The following CCSER1 variants were observed in gnomAD, a reference collection of about 807,000 sequenced individuals.
CCSER1 encodes serine-rich coiled-coil domain-containing protein 1.
In CCSER1, 41 loss-of-function variants were observed where a neutral mutation model predicts 82.0. The ratio of observed to expected loss-of-function variants is 0.50; its 90% CI spans 0.39 to 0.65. The LOEUF (loss-of-function observed/expected upper bound fraction) is 0.65, where lower values mean the gene tolerates loss of function less well. Ranked by LOEUF, CCSER1 falls within the 30% of genes least tolerant of loss-of-function variation. The pLI, the probability that CCSER1 is intolerant of heterozygous loss-of-function variation, is 0.00. For synonymous variants in CCSER1, 414 were observed against 383.9 expected (o/e 1.08, Z -0.92); for missense variants, 1,119 against 1,064.2 (o/e 1.05, Z -0.72).
intron 3 of CCSER1, among the ~76,000 whole-genome samples, chr4:90,327,795 T>C (rs1345890756): frequency 1.3e-5 from 2 of 152,178 alleles, no homozygotes; most frequent in East Asian, 3.9e-4. Flanking sequence ...TTTCCAGACA[T>C]TGCCATGTGT....
chr4:91,546,151 A>T (rs1216525980), intron 10 of CCSER1, among the ~76,000 whole-genome samples: 3 of 152,072 alleles, frequency 2.0e-5, no homozygotes, highest in African/African-American at 4.8e-5. Flanking sequence ...TATGGTGTAT[A>T]TTTTTATATA....
At chr4:91,340,196 TATAAC>T (rs1192081716) in intron 10 of CCSER1, among the ~76,000 whole-genome samples, 2 of 152,308 alleles carry the variant, frequency 1.3e-5, no homozygotes, top group African/African-American at 2.4e-5. Flanking sequence ...ATAGGATAAT[TATAAC>T]ATATATTGTA....
At chr4:91,329,747 C>G (rs143811214) in intron 10 of CCSER1, among the ~76,000 whole-genome samples, 1 of 152,124 alleles carries the variant, frequency 6.6e-6, no homozygotes, top group African/African-American at 2.4e-5. Context: ...ATCTAATTAC[C>G]TGCCATGAAC....
intron 10 of CCSER1, among the ~76,000 whole-genome samples, chr4:91,236,397 C>T (rs1414849636): frequency 1.3e-5 from 2 of 151,954 alleles, no homozygotes; most frequent in African/African-American, 4.8e-5. Flanking sequence ...GCAAAAGAAT[C>T]GCTTGAACCC....
intron 10 of CCSER1, among the ~76,000 whole-genome samples, chr4:91,377,034 A>G (rs191959984): frequency 0.019 from 2,942 of 152,120 alleles, 75 homozygotes; most frequent in African/African-American, 0.066. Flanking sequence ...TTTGCTGAGA[A>G]TGACGGTTTC....
chr4:91,557,283 T>C (rs955038951), intron 10 of CCSER1, among the ~76,000 whole-genome samples: 3 of 151,508 alleles, frequency 2.0e-5, no homozygotes, highest in Non-Finnish European at 4.4e-5. Flanking sequence ...TGTTATTTTA[T>C]ATAATAGCTC....
chr4:91,381,006 A>T (rs966359055), intron 10 of CCSER1, among the ~76,000 whole-genome samples: 5 of 152,066 alleles, frequency 3.3e-5, no homozygotes, highest in Non-Finnish European at 7.4e-5. Flanking sequence ...TCACTGATGA[A>T]GCTTATTTTG....
intron 4 of CCSER1, among the ~76,000 whole-genome samples, chr4:90,401,579 G>C (rs1478161259): frequency 1.3e-5 from 2 of 152,168 alleles, no homozygotes; most frequent in Non-Finnish European, 2.9e-5. Flanking sequence ...TGTTGCCCAG[G>C]CTGGAGTCCA....
intron 9 of CCSER1, among the ~76,000 whole-genome samples, chr4:90,959,037 A>C (rs1164173607): frequency 6.6e-6 from 1 of 152,230 alleles, no homozygotes; most frequent in African/African-American, 2.4e-5. Context: ...AAATCATTTC[A>C]AATTGCATTT....
At chr4:90,544,399 G>A (rs1001755568) in intron 5 of CCSER1, among the ~76,000 whole-genome samples, 1 of 152,122 alleles carries the variant, frequency 6.6e-6, no homozygotes, top group African/African-American at 2.4e-5. Context: ...ATCAGCCAAA[G>A]GAAGAGATGC....
chr4:90,560,895 C>A (rs1778686998), intron 5 of CCSER1, among the ~76,000 whole-genome samples: 1 of 152,100 alleles, frequency 6.6e-6, no homozygotes, highest in South Asian at 2.1e-4. Flanking sequence ...GTTTAAAAAG[C>A]TTTATGAAAA....
chr4:90,767,477 C>T (rs1445505568), intron 7 of CCSER1, among the ~76,000 whole-genome samples: 1 of 152,070 alleles, frequency 6.6e-6, no homozygotes, highest in Non-Finnish European at 1.5e-5. Context: ...GTTGCACATA[C>T]TGAACTAAAC....
At chr4:91,311,277 G>C (rs576852154) in intron 10 of CCSER1, among the ~76,000 whole-genome samples, 1 of 151,994 alleles carries the variant, frequency 6.6e-6, no homozygotes, top group African/African-American at 2.4e-5. Context: ...TAATAAAGTG[G>C]TCTGCAAACT....
At chr4:91,490,889 T>TG (rs1758487166) in intron 10 of CCSER1, among the ~76,000 whole-genome samples, 1 of 43,330 alleles carries the variant, frequency 2.3e-5, no homozygotes, top group Non-Finnish European at 4.6e-5. Context: ...TATATATATA[T>TG]ATATATATAT....
At chr4:90,879,375 T>C (rs550072832) in intron 8 of CCSER1, among the ~76,000 whole-genome samples, 23 of 152,192 alleles carry the variant, frequency 1.5e-4, no homozygotes, top group Admixed American at 5.9e-4. Flanking sequence ...AACTTGATGA[T>C]CTTTGTTCCT....
At chr4:91,393,654 C>G (rs1751795579) in intron 10 of CCSER1, among the ~76,000 whole-genome samples, 1 of 152,078 alleles carries the variant, frequency 6.6e-6, no homozygotes, top group African/African-American at 2.4e-5. Context: ...TGCTATTCAG[C>G]TTAATTGGGT....
chr4:90,194,688 C>T (rs550013473), intron 1 of CCSER1, among the ~76,000 whole-genome samples: 1 of 151,994 alleles, frequency 6.6e-6, no homozygotes, highest in South Asian at 2.1e-4. Context: ...CTGTCAATCC[C>T]TGTGGATAGC....
intron 5 of CCSER1, among the ~76,000 whole-genome samples, chr4:90,483,642 G>C (rs1766468449): frequency 6.6e-6 from 1 of 152,142 alleles, no homozygotes; most frequent in African/African-American, 2.4e-5. Flanking sequence ...AGCTTAGTTT[G>C]GCTGGATATG....
rs1554069614 is a variant in CCSER1 at position 91,115,825 on chromosome 4, T to C, written c.2217+29831T>C. Among the ~76,000 whole-genome samples, 61 of 116,074 alleles carry C rather than the reference T, an allele frequency of 5.3e-4. 1 individual carries two copies. The highest frequency in any genetic ancestry group is 4.4e-3 in the Middle Eastern group (1 of 228). 76.1% of individuals were successfully genotyped at this position (116,074 alleles called of 152,430 possible). On this transcript the variant is annotated intron_variant, in intron 10 of 10. Coordinates refer to ENST00000509176, the MANE Select transcript of CCSER1 (RefSeq NM_001145065.2). ...CTTTTTCTTTTTTTTTTTTTTTTTT[T>C]CAAATTTCCATTCTTTTATATATAT...
Sources: gnomAD v4.1 joint callset for allele counts (sites outside exome capture counted in the v4.1 genomes callset) on GRCh38, gnomAD v4.1.1 for gene constraint, MANE v1.5 for transcripts, NCBI Gene and HGNC (gene_info 2026-07-23, HGNC 2026-07-21) for gene names.